The following TACC2 variants were observed in gnomAD, a reference collection of about 807,000 sequenced individuals.
TACC2 encodes the protein transforming acidic coiled-coil-containing protein 2.
Under a neutral mutation model 227.3 loss-of-function variants are expected in TACC2, and 137 were observed. The observed-to-expected ratio is 0.60, with a 90% CI of 0.52 to 0.69. TACC2 has a LOEUF of 0.69. TACC2 is among the 30% of genes least tolerant of loss of function. The pLI, the probability that TACC2 is intolerant of heterozygous loss-of-function variation, is 0.00. For synonymous variants in TACC2, 1,523 were observed against 1,487.5 expected, an observed-to-expected ratio of 1.02 and a Z score of -0.55; for missense variants, 3,470 against 3,694.4, an observed-to-expected ratio of 0.94 and a Z score of 1.57.
At chr10:122,185,643 G>A (rs1008394576) in intron 7 of TACC2, among the ~76,000 whole-genome samples, 2 of 152,198 alleles carry the variant, frequency 1.3e-5, no homozygotes, top group African/African-American at 2.4e-5. Context: ...AGACCAGGTG[G>A]AGCTTTTTAT....
chr10:122,073,788 T>A (rs968574562), intron 3 of TACC2, among the ~76,000 whole-genome samples: 25 of 152,224 alleles, frequency 1.6e-4, no homozygotes, highest in African/African-American at 6.0e-4. Flanking sequence ...CTTTTTTTTT[T>A]ATGTTTTTTG....
chr10:122,050,468 G>GCCCT lies in TACC2; in HGVS notation c.65_66insCCTC (p.Gln23LeufsTer22), dbSNP rs748791718. ...TTTATCAGCTCAGACTCCAAGGTCC[G>GCCCT]CGCAGCCACCCGGGAACAGTCAGAA... is the stretch of plus-strand genomic sequence containing the variant. On this transcript the variant is annotated frameshift_variant, in exon 3 of 23. Transcript: ENST00000369005. LOFTEE classifies it high-confidence loss of function. The surrounding 1 kb of genome is among the most constrained non-coding windows in gnomAD (Gnocchi z 4.6). The GCCCT allele has an allele frequency of 9.0e-5, 145 of 1,613,808 alleles. 1 individual carries two copies. The Middle Eastern group carries it at 1.3e-3, about 15-fold the overall frequency.
At chr10:122,154,404 G>C (rs1001637231) in intron 7 of TACC2, among the ~76,000 whole-genome samples, 8 of 152,226 alleles carry the variant, frequency 5.3e-5, no homozygotes, top group African/African-American at 1.9e-4. Flanking sequence ...TGTCTTCCTG[G>C]AGTAATAGTT....
intron 19 of TACC2, among the ~76,000 whole-genome samples, chr10:122,243,413 A>T (rs1006917002): frequency 1.4e-4 from 21 of 152,166 alleles, no homozygotes; most frequent in African/African-American, 4.6e-4. Flanking sequence ...AGGTAAATAT[A>T]ATAGTAGCCT....
At position 122,215,444 on chromosome 10, in the gene TACC2, C is replaced by G. The variant is rs1178012692; in HGVS notation, c.7337C>G (p.Pro2446Arg). The change falls in exon 10 of 23, where the codon CCT becomes CGT. Residue 2446 changes from proline to arginine, a missense_variant. Coordinates refer to ENST00000369005, the MANE Select transcript of TACC2 (RefSeq NM_206862.4). ...SPKRSPLSDPPSQDPTPAATP... is the reference protein window; with the variant it reads ...SPKRSPLSDPRSQDPTPAATP... ...AAACGGTCTCCTCTCTCTGATCCAC[C>G]TTCCCAGGTACAGTGTTCCTTTGAT... 2 of 1,613,736 alleles carry G rather than the reference C, an allele frequency of 1.2e-6. No homozygotes were observed. The highest frequency in any genetic ancestry group is 1.7e-6 in the Non-Finnish European group (2 of 1,179,802).
At chr10:121,997,229 G>C (rs1367256305) in intron 1 of TACC2, among the ~76,000 whole-genome samples, 1 of 152,174 alleles carries the variant, frequency 6.6e-6, no homozygotes, top group Non-Finnish European at 1.5e-5. Context: ...TTGTTGAGCA[G>C]ACATAGTTCT....
Position 122,103,927 on chromosome 10 carries a change from G to A in TACC2, c.5573+15336G>A, listed in dbSNP as rs1053443389. 3.3e-5 allele frequency among the ~76,000 whole-genome samples: 5 copies of A among 152,204 alleles called. No homozygotes were observed. The East Asian group carries it at 9.6e-4, about 29-fold the overall frequency. Reference sequence around the variant, plus strand: ...TCATGGAGACCATGCTCTGTTTCAAGAGACAGTACACAGGCATTATAAGAC... The same window carrying A: ...TCATGGAGACCATGCTCTGTTTCAAAAGACAGTACACAGGCATTATAAGAC... On this transcript the variant is annotated intron_variant, in intron 5 of 22. Transcript: ENST00000369005.
At chr10:122,011,874 T>TC (rs1430551297) in intron 1 of TACC2, among the ~76,000 whole-genome samples, 2 of 152,188 alleles carry the variant, frequency 1.3e-5, no homozygotes, top group Non-Finnish European at 2.9e-5. Context: ...TAGGTTTGGA[T>TC]CTCAGCTCTG....
At chr10:122,176,103 CTCTCTCTCTCTCTCTATA>C (rs1314847095) in intron 7 of TACC2, among the ~76,000 whole-genome samples, 236 of 77,816 alleles carry the variant, frequency 3.0e-3, no homozygotes, top group African/African-American at 4.0e-3. Flanking sequence ...CTCTCTCTCT[CTCTCTCTCTCTCTCTATA>C]TATATATATA....
At position 122,083,305 on chromosome 10, in the gene TACC2, T is replaced by TC. The variant is rs1370204599; in HGVS notation, c.811dup (p.Leu271ProfsTer33). 5 of 1,612,438 alleles carry TC rather than the reference T, an allele frequency of 3.1e-6. No homozygotes were observed. Among genetic ancestry groups the TC allele is most frequent in the Non-Finnish European group, 3.4e-6 (4 of 1,179,688 alleles). ...AGAAAGCTCAGCGGTCTTGGAGAAGTCCCCCCTAAAACCCATGGCCCCGAT... is the reference window on the plus strand; with the variant it reads ...AGAAAGCTCAGCGGTCTTGGAGAAGTCCCCCCCTAAAACCCATGGCCCCGAT... On this transcript the variant is annotated frameshift_variant, in exon 4 of 23. Coordinates refer to ENST00000369005, the MANE Select transcript of TACC2 (RefSeq NM_206862.4). LOFTEE classifies it high-confidence loss of function.
chr10:122,114,338 C>T (rs553509628), intron 5 of TACC2, among the ~76,000 whole-genome samples: 1 of 152,304 alleles, frequency 6.6e-6, no homozygotes, highest in African/African-American at 2.4e-5. Flanking sequence ...GGGACTGTGA[C>T]GTGAGGCAGT....
chr10:122,073,126 A>AAAAAAAAATATATATAT (rs1383487943), intron 3 of TACC2, among the ~76,000 whole-genome samples: 1 of 71,004 alleles, frequency 1.4e-5, no homozygotes, highest in African/African-American at 6.2e-5. Flanking sequence ...AAAAAAAAAA[A>AAAAAAAAATATATATAT]ATATATATAT....
intron 5 of TACC2, among the ~76,000 whole-genome samples, chr10:122,102,483 A>T (rs2082285888): frequency 6.6e-6 from 1 of 152,172 alleles, no homozygotes; most frequent in African/African-American, 2.4e-5. Flanking sequence ...ACTGCGGCTG[A>T]TCCATCAAAT....
chr10:122,000,339 A>C (rs1954138522), intron 1 of TACC2, among the ~76,000 whole-genome samples: 1 of 152,172 alleles, frequency 6.6e-6, no homozygotes. Context: ...AGATCGCGCC[A>C]CTGCACTCCA....
intron 7 of TACC2, among the ~76,000 whole-genome samples, chr10:122,179,436 G>T (rs894823084): frequency 6.6e-6 from 1 of 152,184 alleles, no homozygotes; most frequent in Non-Finnish European, 1.5e-5. Context: ...CAATTATAGC[G>T]CAAGTAAAAA....
At position 121,989,482 on chromosome 10, in the gene TACC2, G is replaced by C. The variant is rs368131504; in HGVS notation, c.-52G>C. The C allele has an allele frequency of 1.3e-5, 2 of 152,206 alleles. No individual in the cohort carries two copies. The highest frequency in any genetic ancestry group is 2.9e-5 in the Non-Finnish European group (2 of 68,064). 9.4% of individuals were successfully genotyped at this position (152,206 alleles called of 1,614,324 possible). A position where few individuals can be genotyped will look rare whatever the true frequency, so the allele number is the denominator to read the frequency against. On this transcript the variant is annotated 5_prime_UTR_variant, in exon 1 of 23. Transcript: ENST00000369005. ...TCAGATTCCCTACTGGTAACAGCTG[G>C]AGTGCGGTAAGTAAGGAGGAGAGGG...
Position 122,084,693 on chromosome 10 carries a change from T to C in TACC2, c.2193T>C (p.Val731=). The C allele has an allele frequency of 6.2e-7, 1 of 1,613,652 alleles. No individual in the cohort carries two copies. The highest frequency in any genetic ancestry group is 8.5e-7 in the Non-Finnish European group (1 of 1,180,032). The change falls in exon 4 of 23, where the codon GTT becomes GTC. Residue 731 remains valine, a synonymous_variant. Coordinates refer to ENST00000369005, the MANE Select transcript of TACC2 (RefSeq NM_206862.4). ...SDFPPTPVAE[V]APKAQEGEST... ...TTCCACCAACTCCTGTTGCAGAGGT[T>C]GCACCCAAAGCCCAGGAAGGTGAGA... is the stretch of plus-strand genomic sequence containing the variant.
At chr10:122,247,352 G>A (rs1249183831) in intron 19 of TACC2, 1 of 152,218 alleles carries the variant, frequency 6.6e-6, no homozygotes. Flanking sequence ...CCCCAGTGAC[G>A]AGGGCCTGGT....
intron 7 of TACC2, among the ~76,000 whole-genome samples, chr10:122,187,020 A>C (rs1461458860): frequency 3.3e-5 from 5 of 152,160 alleles, no homozygotes; most frequent in African/African-American, 1.2e-4. Flanking sequence ...TCATGAGCCC[A>C]GGGTGTGGGG....
Sources: allele counts gnomAD v4.1 joint callset (sites outside exome capture counted in the v4.1 genomes callset), GRCh38; gene constraint gnomAD v4.1.1; non-coding constraint Gnocchi (gnomAD v3.1); transcripts MANE v1.5; gene names NCBI Gene and HGNC (gene_info 2026-07-23, HGNC 2026-07-21).